FHIT: variants seen among roughly 807,000 people sequenced by gnomAD.
The protein encoded by FHIT is fragile histidine triad diadenosine triphosphatase, also known as bis(5'-adenosyl)-triphosphatase.
A neutral mutation model predicts 17.9 loss-of-function variants in FHIT; 19 were observed. The ratio of observed to expected loss-of-function variants is 1.06; its 90% CI spans 0.74 to 1.56. FHIT has a LOEUF of 1.56. FHIT is among the 40% of genes most tolerant of loss of function. The pLI, the probability that FHIT is intolerant of heterozygous loss-of-function variation, is 0.00. For synonymous variants in FHIT, 81 were observed against 69.7 expected (o/e 1.16, Z -0.81); for missense variants, 248 against 189.2 (o/e 1.31, Z -1.82).
At chr3:61,208,028 T>A (rs2039311323) in intron 1 of FHIT, among the ~76,000 whole-genome samples, 1 of 152,206 alleles carries the variant, frequency 6.6e-6, no homozygotes, top group Non-Finnish European at 1.5e-5. Flanking sequence ...TTGTTCTCGT[T>A]GGTTTCAAAG....
At chr3:60,163,268 T>C (rs760488034) in intron 5 of FHIT, among the ~76,000 whole-genome samples, 1 of 152,112 alleles carries the variant, frequency 6.6e-6, no homozygotes, top group Non-Finnish European at 1.5e-5. Flanking sequence ...AAATGAGTGC[T>C]CTTTTCTGTT....
At chr3:60,305,432 A>G (rs1268987543) in intron 5 of FHIT, among the ~76,000 whole-genome samples, 2 of 149,864 alleles carry the variant, frequency 1.3e-5, no homozygotes, top group African/African-American at 5.1e-5. Context: ...AGCATTTTAA[A>G]TTCTTCTTCT....
chr3:60,127,173 G>C (rs1477181392), intron 5 of FHIT, among the ~76,000 whole-genome samples: 1 of 152,090 alleles, frequency 6.6e-6, no homozygotes, highest in Non-Finnish European at 1.5e-5. Context: ...ACAGGCCAGA[G>C]AACTCAGCCC....
At chr3:60,278,057 A>G (rs1384373971) in intron 5 of FHIT, among the ~76,000 whole-genome samples, 2 of 152,198 alleles carry the variant, frequency 1.3e-5, no homozygotes, top group African/African-American at 2.4e-5. Context: ...TACCTAAAGC[A>G]AAAACAGAAG....
At chr3:59,986,074 A>G (rs1708886753) in intron 7 of FHIT, among the ~76,000 whole-genome samples, 1 of 152,062 alleles carries the variant, frequency 6.6e-6, no homozygotes, top group Admixed American at 6.6e-5. Context: ...GGAATACTCC[A>G]TTTTAAGCAT....
intron 2 of FHIT, among the ~76,000 whole-genome samples, chr3:61,071,585 A>G (rs1190131149): frequency 1.3e-5 from 2 of 152,210 alleles, no homozygotes; most frequent in Admixed American, 1.3e-4. Flanking sequence ...CCTAAAAATT[A>G]GTTTATAGGA....
At chr3:60,868,555 T>A (rs533244608) in intron 3 of FHIT, among the ~76,000 whole-genome samples, 4 of 152,106 alleles carry the variant, frequency 2.6e-5, no homozygotes, top group Non-Finnish European at 5.9e-5. Flanking sequence ...CAATCAGAGC[T>A]CCCTTTTTAT....
intron 3 of FHIT, among the ~76,000 whole-genome samples, chr3:60,969,009 G>GA (rs1304072120): frequency 6.6e-6 from 1 of 151,396 alleles, no homozygotes; most frequent in Non-Finnish European, 1.5e-5. Flanking sequence ...TTATCTTCAT[G>GA]AAAAAAATTG....
At chr3:60,875,337 G>C (rs1286411766) in intron 3 of FHIT, among the ~76,000 whole-genome samples, 2 of 152,160 alleles carry the variant, frequency 1.3e-5, no homozygotes, top group Admixed American at 1.3e-4. Context: ...ATGTGTGACT[G>C]ACTATCCTAC....
chr3:60,018,753 G>A (rs887557859), intron 5 of FHIT, among the ~76,000 whole-genome samples: 5 of 152,112 alleles, frequency 3.3e-5, no homozygotes, highest in African/African-American at 7.2e-5. Flanking sequence ...CAAAGCGCGC[G>A]AATCACCTGA....
At chr3:60,496,459 T>C (rs1448036300) in intron 5 of FHIT, among the ~76,000 whole-genome samples, 1 of 152,178 alleles carries the variant, frequency 6.6e-6, no homozygotes, top group Non-Finnish European at 1.5e-5. Flanking sequence ...TACCATCTTT[T>C]ACCCACCAGA....
intron 2 of FHIT, among the ~76,000 whole-genome samples, chr3:61,107,201 C>T (rs939315590): frequency 1.3e-5 from 2 of 152,084 alleles, no homozygotes; most frequent in African/African-American, 4.8e-5. Flanking sequence ...TTTAAAATTT[C>T]GCATGTAAGT....
chr3:60,873,138 G>GGA (rs71287128), intron 3 of FHIT, among the ~76,000 whole-genome samples: 32,311 of 146,956 alleles, frequency 0.22, 3,604 homozygotes, highest in Middle Eastern at 0.28. Flanking sequence ...AGAGGGAGAG[G>GGA]GAGAGAGAGA....
At chr3:61,204,729 A>T (rs1213584359) in intron 1 of FHIT, among the ~76,000 whole-genome samples, 2 of 152,210 alleles carry the variant, frequency 1.3e-5, no homozygotes, top group Non-Finnish European at 2.9e-5. Flanking sequence ...ACACCACGGA[A>T]ATAGGAACCA....
At chr3:60,586,217 C>G (rs1052912537) in intron 4 of FHIT, among the ~76,000 whole-genome samples, 3 of 151,878 alleles carry the variant, frequency 2.0e-5, no homozygotes, top group South Asian at 4.2e-4. Flanking sequence ...ATTTCCAGAT[C>G]CTGTCAAAAT....
chr3:61,196,934 A>G (rs1307185591), intron 2 of FHIT, among the ~76,000 whole-genome samples: 1 of 152,188 alleles, frequency 6.6e-6, no homozygotes, highest in Non-Finnish European at 1.5e-5. Flanking sequence ...ACAGAAAGCC[A>G]GCAAACAAGG....
chr3:59,808,943 A>G (rs1575530526), intron 8 of FHIT, among the ~76,000 whole-genome samples: 1 of 152,154 alleles, frequency 6.6e-6, no homozygotes, highest in African/African-American at 2.4e-5. Flanking sequence ...GAAAAACTAT[A>G]TTTTAAAAAG....
intron 5 of FHIT, among the ~76,000 whole-genome samples, chr3:60,520,549 A>G (rs763102110): frequency 5.3e-5 from 8 of 152,200 alleles, no homozygotes; most frequent in Non-Finnish European, 1.0e-4. Flanking sequence ...AAACCTTTCC[A>G]GCATGTACAG....
At chr3:61,013,095 C>A (rs1014926698) in intron 3 of FHIT, among the ~76,000 whole-genome samples, 3 of 152,016 alleles carry the variant, frequency 2.0e-5, no homozygotes, top group African/African-American at 7.2e-5. Flanking sequence ...ATATTCTTTG[C>A]AACTCTTTAA....
Sources: allele counts gnomAD v4.1 joint callset (sites outside exome capture counted in the v4.1 genomes callset), GRCh38; gene constraint gnomAD v4.1.1; transcripts MANE v1.5; gene names NCBI Gene and HGNC (gene_info 2026-07-23, HGNC 2026-07-21).